The following MYO5A variants were observed in gnomAD, a reference collection of about 807,000 sequenced individuals.
The protein encoded by MYO5A is myosin VA.
MYO5A carries 98 observed loss-of-function variants against 249.7 expected under a neutral mutation model. That is an observed-to-expected ratio of 0.39 (90% CI 0.33 to 0.46). The LOEUF (loss-of-function observed/expected upper bound fraction) is 0.46. MYO5A is among the 20% of genes least tolerant of loss of function. The probability of loss-of-function intolerance (pLI) is 0.98; values close to 1 mark genes in which losing one functional copy is unlikely to be tolerated. For missense variants in MYO5A, 1,696 were observed against 2,308.8 expected, an observed-to-expected ratio of 0.73 and a Z score of 5.44; for synonymous variants, 778 against 810.6, an observed-to-expected ratio of 0.96 and a Z score of 0.68.
At chr15:52,328,118 T>C (rs1290450815) in intron 35 of MYO5A, 112 bp from the exon 36 acceptor site, 25 of 866,506 alleles carry the variant, frequency 2.9e-5, no homozygotes, top group Non-Finnish European at 4.2e-5. Context: ...TCAAGGTAAG[T>C]AGGTAATATA....
At chr15:52,341,929 T>C (rs981069338) in intron 31 of MYO5A, among the ~76,000 whole-genome samples, 1 of 152,242 alleles carries the variant, frequency 6.6e-6, no homozygotes, top group Non-Finnish European at 1.5e-5. Context: ...CGGGTTGAAT[T>C]TGGGTAATTA....
chr15:52,361,179 G>A (rs922095322), intron 24 of MYO5A, among the ~76,000 whole-genome samples: 3 of 152,146 alleles, frequency 2.0e-5, no homozygotes, highest in African/African-American at 7.2e-5. Flanking sequence ...GCACACTAAA[G>A]GGGACAATCA....
chr15:52,407,526 G>A, intron 7 of MYO5A, 127 bp from the exon 8 acceptor site: 1 of 500,078 alleles, frequency 2.0e-6, no homozygotes, highest in Non-Finnish European at 3.6e-6. Context: ...TTGACTGCCT[G>A]TGTTTTCAAT....
intron 1 of MYO5A, among the ~76,000 whole-genome samples, chr15:52,488,072 G>C (rs113311164): frequency 4.6e-5 from 7 of 151,676 alleles, no homozygotes; most frequent in African/African-American, 1.7e-4. Context: ...GTAGCAAAAA[G>C]TTCCTTTACT....
intron 31 of MYO5A, among the ~76,000 whole-genome samples, 160 bp from the exon 32 acceptor site, chr15:52,340,554 A>C (rs546909634): frequency 6.6e-5 from 10 of 152,342 alleles, no homozygotes; most frequent in African/African-American, 2.4e-4. Flanking sequence ...CTAAAACAAG[A>C]AGCAGAAATA....
chr15:52,471,899 A>G (rs1006782097), intron 1 of MYO5A, among the ~76,000 whole-genome samples: 15 of 151,936 alleles, frequency 9.9e-5, no homozygotes, highest in African/African-American at 2.4e-4. Context: ...GTGTCTCCCT[A>G]TGTTGCCCAG....
intron 4 of MYO5A, among the ~76,000 whole-genome samples, chr15:52,422,379 G>A (rs1595650961): frequency 6.6e-6 from 1 of 152,172 alleles, no homozygotes; most frequent in South Asian, 2.1e-4. Flanking sequence ...ATCTAAATTA[G>A]AACTCTGCTC....
At chr15:52,407,700 C>A (rs977559276) in intron 7 of MYO5A, among the ~76,000 whole-genome samples, 2 of 152,066 alleles carry the variant, frequency 1.3e-5, no homozygotes, top group African/African-American at 2.4e-5. Context: ...TTACTCCCCT[C>A]ATAAGAAACC....
intron 5 of MYO5A, among the ~76,000 whole-genome samples, chr15:52,414,157 T>C (rs1595630612): frequency 1.3e-5 from 2 of 151,984 alleles, no homozygotes; most frequent in African/African-American, 4.8e-5. Context: ...TCCACTGGAG[T>C]GGGTTGTTAT....
At chr15:52,357,670 A>T (rs2040311486) in intron 25 of MYO5A, among the ~76,000 whole-genome samples, 2 of 152,190 alleles carry the variant, frequency 1.3e-5, no homozygotes, top group Non-Finnish European at 1.5e-5. Context: ...GATGGTACCC[A>T]TTCTGAGCCC....
rs187154740 is a variant in MYO5A, at chr15:52,500,599, C to G, written c.27+28181G>C. Among the ~76,000 whole-genome samples the G allele has an allele frequency of 3.6e-3, 550 of 152,232 alleles. 3 individuals are homozygous for G. The highest frequency in any genetic ancestry group is 5.0e-3 in the Admixed American group (76 of 15,286). Reference sequence around the variant, plus strand: ...CTGACCTCAGGTGATCCGCCCGCCTCGGCCTCCCAAAGTGCTGGGATTACA... The same window carrying G: ...CTGACCTCAGGTGATCCGCCCGCCTGGGCCTCCCAAAGTGCTGGGATTACA... On this transcript the variant is annotated intron_variant, in intron 1 of 41. Coordinates refer to ENST00000399233, the MANE Select transcript of MYO5A (RefSeq NM_001382347.1).
Position 52,313,744 on chromosome 15 carries a change from G to C in MYO5A, c.5595C>G (p.Thr1865=), listed in dbSNP as rs75355222. The C allele has an allele frequency of 7.0e-4, 1,122 of 1,614,168 alleles. 12 individuals carry two copies. The East Asian group carries it at 0.02, about 29-fold the overall frequency. The stretch of plus-strand genomic sequence containing the variant: ...GGCCGAGGCTGGCTGGAATCTGGAT[G>C]GTTTCTAGTGCGAGGGAAGATGGGT... The part of the protein sequence containing the change: ...PFNPSSLALE[T]IQIPASLGLG... Residue 1865 remains threonine, a synonymous_variant, in exon 42 of 42, where the codon ACC becomes ACG. Coordinates refer to ENST00000399233, the MANE Select transcript of MYO5A (RefSeq NM_001382347.1).
intron 1 of MYO5A, among the ~76,000 whole-genome samples, chr15:52,450,865 T>TG (rs1555454736): frequency 6.6e-5 from 6 of 90,918 alleles, no homozygotes; most frequent in Non-Finnish European, 8.3e-5. Context: ...TTTTTTTTTT[T>TG]GTGACAGGGT....
At chr15:52,452,220 G>A (rs2076033697) in intron 1 of MYO5A, among the ~76,000 whole-genome samples, 1 of 151,880 alleles carries the variant, frequency 6.6e-6, no homozygotes, top group African/African-American at 2.4e-5. Flanking sequence ...AGTTCCCAGG[G>A]CCACAGAGAA....
At chr15:52,435,163 G>A (rs1404367141) in intron 1 of MYO5A, among the ~76,000 whole-genome samples, 2 of 152,088 alleles carry the variant, frequency 1.3e-5, no homozygotes, top group Non-Finnish European at 2.9e-5. Flanking sequence ...CGAAAAGAAA[G>A]TGGGTGAACG....
At chr15:52,514,728 G>A (rs919154119) in intron 1 of MYO5A, among the ~76,000 whole-genome samples, 6 of 152,184 alleles carry the variant, frequency 3.9e-5, no homozygotes, top group Admixed American at 1.3e-4. Context: ...CCCTGTCACA[G>A]ACCTACTGAG....
At chr15:52,355,620 A>G (rs1390171203) in intron 25 of MYO5A, among the ~76,000 whole-genome samples, 2 of 152,168 alleles carry the variant, frequency 1.3e-5, no homozygotes, top group Non-Finnish European at 2.9e-5. Context: ...ACAATATTCT[A>G]TATTTGTCTT....
chr15:52,526,947 C>T (rs373092336), intron 1 of MYO5A, among the ~76,000 whole-genome samples: 18 of 152,224 alleles, frequency 1.2e-4, no homozygotes, highest in African/African-American at 3.9e-4. Context: ...CTTTTGGCTT[C>T]CCTGGGCCAC....
intron 1 of MYO5A, among the ~76,000 whole-genome samples, chr15:52,479,497 C>A (rs530861951): frequency 6.6e-6 from 1 of 151,538 alleles, no homozygotes; most frequent in Non-Finnish European, 1.5e-5. Flanking sequence ...GTAAGTGGAC[C>A]CATGCAGTTC....
Sources: allele counts gnomAD v4.1 joint callset (sites outside exome capture counted in the v4.1 genomes callset), GRCh38; gene constraint gnomAD v4.1.1; transcripts MANE v1.5; gene names NCBI Gene and HGNC (gene_info 2026-07-23, HGNC 2026-07-21).